Variants in HIVEP3 observed in about 807,000 individuals in gnomAD.
HIVEP3 encodes HIVEP zinc finger 3.
A neutral mutation model predicts 152.8 loss-of-function variants in HIVEP3; 49 were observed. The observed-to-expected ratio is 0.32, with a 90% confidence interval of 0.26 to 0.41. The LOEUF is 0.41. HIVEP3 is among the 10% of genes least tolerant of loss of function. The pLI is 1.00. For missense variants in HIVEP3, 2,790 were observed against 3,103.3 expected (o/e 0.90, Z 2.40); for synonymous variants, 1,269 against 1,289.0 (o/e 0.98, Z 0.33).
chr1:41,818,253 C>G (rs562645608), intron 1 of HIVEP3, among the ~76,000 whole-genome samples: 78 of 152,278 alleles, frequency 5.1e-4, no homozygotes, highest in African/African-American at 1.8e-3. Context: ...AAAACCCAAA[C>G]TAAACACAAC....
At chr1:41,980,112 T>C (rs942975522) in intron 1 of HIVEP3, among the ~76,000 whole-genome samples, 9 of 152,292 alleles carry the variant, frequency 5.9e-5, no homozygotes, top group African/African-American at 1.7e-4. Context: ...TTGTTGACAG[T>C]AAGGTAAAAT....
At chr1:41,796,782 A>G (rs1650008496) in intron 1 of HIVEP3, among the ~76,000 whole-genome samples, 1 of 152,258 alleles carries the variant, frequency 6.6e-6, no homozygotes, top group African/African-American at 2.4e-5. Context: ...ACAATAGCAT[A>G]TACCATCCTT....
At chr1:41,738,693 C>T (rs1021741045) in intron 1 of HIVEP3, among the ~76,000 whole-genome samples, 8 of 152,178 alleles carry the variant, frequency 5.3e-5, no homozygotes, top group Non-Finnish European at 1.2e-4. Context: ...AGCTCTGCTG[C>T]TGTGTAACTG....
intron 1 of HIVEP3, among the ~76,000 whole-genome samples, chr1:41,830,754 C>T (rs919270401): frequency 6.6e-6 from 1 of 152,194 alleles, no homozygotes; most frequent in Non-Finnish European, 1.5e-5. Context: ...CCCTGTGTCC[C>T]TCCCACCCCA....
chr1:41,794,654 A>T (rs188729503), intron 1 of HIVEP3, among the ~76,000 whole-genome samples: 20 of 152,352 alleles, frequency 1.3e-4, no homozygotes, highest in African/African-American at 4.8e-4. Context: ...CCATTTTGAT[A>T]GGTAAAAATG....
At chr1:41,689,592 T>C (rs909863009) in intron 2 of HIVEP3, among the ~76,000 whole-genome samples, 1 of 152,216 alleles carries the variant, frequency 6.6e-6, no homozygotes, top group Admixed American at 6.5e-5. Flanking sequence ...TCTGACACTG[T>C]CCTCCTGTAC....
intron 5 of HIVEP3, among the ~76,000 whole-genome samples, chr1:41,557,740 G>C (rs765216618): frequency 6.6e-6 from 1 of 152,172 alleles, no homozygotes; most frequent in Non-Finnish European, 1.5e-5. Context: ...AGGGTGTGCC[G>C]GGCACCCAGG....
At chr1:41,797,670 C>T (rs1297735215) in intron 1 of HIVEP3, among the ~76,000 whole-genome samples, 1 of 152,140 alleles carries the variant, frequency 6.6e-6, no homozygotes, top group Non-Finnish European at 1.5e-5. Flanking sequence ...CTCATGAAAA[C>T]AAATCTAGAA....
At chr1:41,620,160 C>A (rs1001797934) in intron 3 of HIVEP3, among the ~76,000 whole-genome samples, 12 of 152,148 alleles carry the variant, frequency 7.9e-5, no homozygotes, top group Non-Finnish European at 1.8e-4. Context: ...CCAAACAGAG[C>A]CCGAACAGAG....
At chr1:41,790,608 C>T (rs1339640566) in intron 1 of HIVEP3, among the ~76,000 whole-genome samples, 1 of 152,140 alleles carries the variant, frequency 6.6e-6, no homozygotes, top group East Asian at 1.9e-4. Context: ...ATGTGAGTTT[C>T]CTTTCTTCTT....
In HIVEP3 at chr1:41,529,758, C is replaced by T. The variant is rs534275700; in HGVS notation, c.5208-4848G>A. 2.7e-5 allele frequency among the ~76,000 whole-genome samples: 4 copies of T among 149,080 alleles called. No homozygotes were observed. In the East Asian group the frequency reaches 7.9e-4, roughly 30 times the overall value. ...CACCCTCACAACCATCCACACACAC[C>T]CCCAGACTCACTTCCACATCCCCAC... On this transcript the variant is annotated intron_variant, in intron 5 of 8. Transcript: ENST00000372583.
At chr1:41,531,466 A>G (rs1292110550) in intron 5 of HIVEP3, among the ~76,000 whole-genome samples, 87 of 81,212 alleles carry the variant, frequency 1.1e-3, no homozygotes, top group East Asian at 1.7e-3. Flanking sequence ...CATGAGAGAT[A>G]GAGGACAGGG....
At chr1:41,823,858 G>A (rs1642681825) in intron 1 of HIVEP3, among the ~76,000 whole-genome samples, 1 of 152,146 alleles carries the variant, frequency 6.6e-6, no homozygotes, top group Non-Finnish European at 1.5e-5. Flanking sequence ...AGGGCACTAG[G>A]ACTCTAGCAG....
chr1:41,837,168 C>G (rs1022442795), intron 1 of HIVEP3, among the ~76,000 whole-genome samples: 1 of 152,180 alleles, frequency 6.6e-6, no homozygotes, highest in Non-Finnish European at 1.5e-5. Context: ...GCTCTTCCTA[C>G]TGCTAGGAAT....
rs1201179248 is a variant in HIVEP3, at chr1:41,580,390, C to T, written c.4408G>A (p.Val1470Met). 7.4e-6 allele frequency: 12 copies of T among 1,614,080 alleles called. No individual in the cohort carries two copies. Among genetic ancestry groups the T allele is most frequent in the African/African-American group, 2.7e-5 (2 of 74,910 alleles). The change falls in exon 4 of 9, where the codon GTG (valine) becomes ATG (methionine). Residue 1470 changes from valine to methionine, a missense_variant. Coordinates refer to ENST00000372583, the MANE Select transcript of HIVEP3 (RefSeq NM_024503.5). ...EKLELVKPCS[V>M]VLTSTEDGKR... is the part of the protein sequence containing the mutation. ...CCATCCTCGGTGCTGGTAAGGACCA[C>T]ACTGCATGGTTTTACCAGCTCAAGT...
intron 2 of HIVEP3, among the ~76,000 whole-genome samples, chr1:41,700,434 T>G (rs1291051426): frequency 6.6e-6 from 1 of 152,098 alleles, no homozygotes; most frequent in Non-Finnish European, 1.5e-5. Flanking sequence ...CAGTCCAGGA[T>G]CTCTGTGGCT....
intron 5 of HIVEP3, among the ~76,000 whole-genome samples, chr1:41,526,786 C>A (rs1260356358): frequency 6.8e-6 from 1 of 146,470 alleles, no homozygotes; most frequent in Non-Finnish European, 1.5e-5. Flanking sequence ...CCCTAACACA[C>A]ACCCTCACAC....
intron 1 of HIVEP3, among the ~76,000 whole-genome samples, chr1:41,735,916 G>A (rs1158672891): frequency 6.6e-6 from 1 of 152,144 alleles, no homozygotes; most frequent in Non-Finnish European, 1.5e-5. Flanking sequence ...GGCTCTGGGG[G>A]AAGAAGGAAG....
At chr1:41,645,242 G>T (rs1645441477) in intron 2 of HIVEP3, among the ~76,000 whole-genome samples, 1 of 152,230 alleles carries the variant, frequency 6.6e-6, no homozygotes, top group African/African-American at 2.4e-5. Flanking sequence ...CCCAGGCCCT[G>T]CTGGCTGCAG....
Sources: gnomAD v4.1 joint callset for allele counts (sites outside exome capture counted in the v4.1 genomes callset) on GRCh38, gnomAD v4.1.1 for gene constraint, MANE v1.5 for transcripts, NCBI Gene and HGNC (gene_info 2026-07-23, HGNC 2026-07-21) for gene names.